EVC: variants seen among roughly 807,000 people sequenced by gnomAD.
EVC encodes the protein EvC ciliary complex subunit 1, also known as evC complex member EVC.
In EVC, 116 loss-of-function variants were observed where a neutral mutation model predicts 118.9. The ratio of observed to expected loss-of-function variants is 0.98; its 90% CI spans 0.84 to 1.14. EVC has a LOEUF of 1.14. EVC is among the 50% of genes most tolerant of loss of function. The pLI, the probability that EVC is intolerant of heterozygous loss-of-function variation, is 0.00. For synonymous variants in EVC, 619 were observed against 534.7 expected (o/e 1.16, Z -2.18); for missense variants, 1,401 against 1,246.4 (o/e 1.12, Z -1.87).
intron 12 of EVC, among the ~76,000 whole-genome samples, chr4:5,784,444 T>C (rs776096898): frequency 1.3e-5 from 2 of 152,106 alleles, no homozygotes; most frequent in African/African-American, 4.8e-5. Context: ...CTATAGCCTC[T>C]AGAAAAGAGC....
rs942979894 is a variant in EVC, at chr4:5,746,945, G to A, written c.940-1203G>A. Among the ~76,000 whole-genome samples the A allele has an allele frequency of 6.6e-6, 1 of 152,136 alleles. No individual in the cohort carries two copies. The highest frequency in any genetic ancestry group is 6.6e-5 in the Admixed American group (1 of 15,266). ...AATCAGGAGTTTGTAAGCAGAGCGG[G>A]CTGTGTAGAGTTGGCAGGTGACAGT... On this transcript the variant is annotated intron_variant, in intron 7 of 20. Coordinates refer to ENST00000264956, the MANE Select transcript of EVC (RefSeq NM_153717.3). This position sits in a 1 kb window ranked among gnomAD's most constrained non-coding sequence, Gnocchi z 5.8.
At chr4:5,800,417 C>T (rs965419108) in intron 15 of EVC, among the ~76,000 whole-genome samples, 1 of 152,158 alleles carries the variant, frequency 6.6e-6, no homozygotes, top group African/African-American at 2.4e-5. Flanking sequence ...TTTATTCAAC[C>T]TGTATTCAGG....
At chr4:5,736,110 G>T (rs1244634516) in intron 5 of EVC, among the ~76,000 whole-genome samples, 2 of 152,182 alleles carry the variant, frequency 1.3e-5, no homozygotes, top group Non-Finnish European at 2.9e-5. Flanking sequence ...GGAGAAGCTG[G>T]AGTGTAACCT....
Position 5,810,366 on chromosome 4 carries a change from A to G in EVC, c.2810A>G (p.Lys937Arg), listed in dbSNP as rs1716695789. Reference sequence around the variant, plus strand: ...AAGCCCCTAAGGACTAAAAGGAAGAAGCCCCTGCCCCAGGAAAGAGGGGAC... The same window carrying G: ...AAGCCCCTAAGGACTAAAAGGAAGAGGCCCCTGCCCCAGGAAAGAGGGGAC... ...LEKPLRTKRKKPLPQERGDLG... is the reference protein window; with the variant it reads ...LEKPLRTKRKRPLPQERGDLG... The change falls in exon 20 of 21, where the codon AAG (lysine) becomes AGG (arginine). Residue 937 changes from lysine (K) to arginine (R), a missense_variant. By Grantham distance (26) the Lys-to-Arg change is conservative. Transcript: ENST00000264956. 2 of 1,613,918 alleles carry G rather than the reference A, an allele frequency of 1.2e-6. No homozygotes were observed. Among genetic ancestry groups the G allele is most frequent in the Non-Finnish European group, 1.7e-6 (2 of 1,179,962 alleles).
At chr4:5,784,894 C>G (rs994958607) in intron 12 of EVC, among the ~76,000 whole-genome samples, 12 of 152,252 alleles carry the variant, frequency 7.9e-5, no homozygotes, top group African/African-American at 2.9e-4. Flanking sequence ...AGGCATGAGC[C>G]ACTGTGCCCA....
intron 8 of EVC, among the ~76,000 whole-genome samples, chr4:5,750,310 A>G (rs1030332510): frequency 6.6e-6 from 1 of 152,222 alleles, no homozygotes; most frequent in Admixed American, 6.5e-5. Flanking sequence ...TGCTATCAGC[A>G]GGATATTGAT....
chr4:5,801,648 G>A, intron 15 of EVC: 1 of 354,532 alleles, frequency 2.8e-6, no homozygotes. Flanking sequence ...CTCCAGCCTA[G>A]GCAACAGAGT....
At position 5,811,445 on chromosome 4, in the gene EVC, A is replaced by G; in HGVS notation, c.*408A>G. 1 of 263,426 alleles carries G rather than the reference A, an allele frequency of 3.8e-6. No homozygotes were observed. Among genetic ancestry groups the G allele is most frequent in the Non-Finnish European group, 7.4e-6 (1 of 135,700 alleles). 16.3% of individuals were successfully genotyped at this position (263,426 alleles called of 1,614,324 possible). A position where few individuals can be genotyped will look rare whatever the true frequency, so the allele number is the denominator to read the frequency against. On this transcript the variant is annotated 3_prime_UTR_variant, in exon 21 of 21. Coordinates refer to ENST00000264956, the MANE Select transcript of EVC (RefSeq NM_153717.3). ...CACACAGATACATAATGACACCTGC[A>G]GAAATGTATTCTCTGAGGACACTTA...
At chr4:5,762,537 A>G (rs9683831) in intron 11 of EVC, among the ~76,000 whole-genome samples, 1,803 of 141,906 alleles carry the variant, frequency 0.013, 54 homozygotes, top group African/African-American at 0.045. Flanking sequence ...AAGTGTTCCT[A>G]TTTCTCCACA....
chr4:5,827,162 G>A, the EVC span, among the ~76,000 whole-genome samples: 1 of 152,168 alleles, frequency 6.6e-6, no homozygotes, highest in Non-Finnish European at 1.5e-5. Context: ...TGGCATTTGG[G>A]GTCAGATATC....
At chr4:5,728,633 C>T (rs6838782) in intron 2 of EVC, among the ~76,000 whole-genome samples, 1 of 152,006 alleles carries the variant, frequency 6.6e-6, no homozygotes, top group Admixed American at 6.5e-5. Flanking sequence ...TCGAGGGCAG[C>T]TACTCTGCTG....
At position 5,797,013 on chromosome 4, in the gene EVC, T is replaced by G; in HGVS notation, c.1887-9T>G. 6.2e-7 allele frequency: 1 copy of G among 1,608,582 alleles called. No homozygotes were observed. The highest frequency in any genetic ancestry group is 8.5e-7 in the Non-Finnish European group (1 of 1,175,932). ...CATTGACCCCACCCCTCACCTGCTT[T>G]CCTCAAAGGTCCACGCGGTGTGTCC... On this transcript the variant is annotated splice_polypyrimidine_tract_variant and intron_variant, in intron 13 of 20. Coordinates refer to ENST00000264956, the MANE Select transcript of EVC (RefSeq NM_153717.3).
At chr4:5,769,702 C>T (rs1733649548) in intron 11 of EVC, among the ~76,000 whole-genome samples, 1 of 152,144 alleles carries the variant, frequency 6.6e-6, no homozygotes, top group South Asian at 2.1e-4. Context: ...CCCCCCATAG[C>T]TGTTTCTCTT....
chr4:5,825,761 A>C, the EVC span: 1 of 1,207,472 alleles, frequency 8.3e-7, no homozygotes. This position sits in a 1 kb window ranked among gnomAD's most constrained non-coding sequence, Gnocchi z 4.4. Flanking sequence ...ACCTGAGGTC[A>C]CTTCAAATGT....
intron 2 of EVC, among the ~76,000 whole-genome samples, chr4:5,724,220 T>C (rs979088743): frequency 1.1e-4 from 16 of 152,188 alleles, no homozygotes; most frequent in African/African-American, 3.9e-4. Flanking sequence ...GAGGAGCTGG[T>C]TAGGAAGTGA....
intron 11 of EVC, among the ~76,000 whole-genome samples, chr4:5,762,573 G>A (rs1732241880): frequency 1.4e-5 from 2 of 148,068 alleles, no homozygotes; most frequent in Admixed American, 6.7e-5. Flanking sequence ...GTTGTTTCCT[G>A]ACTTTTTAAT....
intron 12 of EVC, among the ~76,000 whole-genome samples, chr4:5,786,616 A>G (rs567306438): frequency 9.8e-5 from 15 of 152,300 alleles, no homozygotes; most frequent in South Asian, 2.1e-4. Flanking sequence ...GCTCACGCCT[A>G]TAATCCCAGC....
At chr4:5,716,125 A>G (rs1484773194) in intron 1 of EVC, among the ~76,000 whole-genome samples, 1 of 152,216 alleles carries the variant, frequency 6.6e-6, no homozygotes, top group Non-Finnish European at 1.5e-5. Context: ...CTGAGGTTTT[A>G]TAGTGGTAAA....
chr4:5,816,091 A>G (rs1004905351), downstream of EVC, among the ~76,000 whole-genome samples: 3 of 152,042 alleles, frequency 2.0e-5, no homozygotes, highest in African/African-American at 7.2e-5. Flanking sequence ...TCTTAGCCCC[A>G]TCCCAGAGAT....
Sources: allele counts gnomAD v4.1 joint callset (sites outside exome capture counted in the v4.1 genomes callset), GRCh38; gene constraint gnomAD v4.1.1; non-coding constraint Gnocchi (gnomAD v3.1); transcripts MANE v1.5; gene names NCBI Gene and HGNC (gene_info 2026-07-23, HGNC 2026-07-21).